The following CNBD1 variants were observed in gnomAD, a reference collection of about 807,000 sequenced individuals.
CNBD1 encodes the protein cyclic nucleotide binding domain containing 1.
In CNBD1, 71 loss-of-function variants were observed where a neutral mutation model predicts 54.4. The observed-to-expected ratio is 1.30, with a 90% CI of 1.08 to 1.59. The LOEUF is 1.59. CNBD1 is among the 40% of genes most tolerant of loss of function. The probability of loss-of-function intolerance (pLI) is 0.00; values close to 1 mark genes in which losing one functional copy is unlikely to be tolerated. For missense variants in CNBD1, 659 were observed against 518.0 expected (o/e 1.27, Z -2.64); for synonymous variants, 182 against 170.7 (o/e 1.07, Z -0.51).
intron 5 of CNBD1, among the ~76,000 whole-genome samples, chr8:87,206,732 G>A (rs985692558): frequency 1.3e-5 from 2 of 151,618 alleles, no homozygotes; most frequent in African/African-American, 2.4e-5. Context: ...TTTTAATTAC[G>A]GGGGCTAGGC....
intron 4 of CNBD1, among the ~76,000 whole-genome samples, chr8:87,169,605 T>C (rs565433834): frequency 6.6e-6 from 1 of 152,224 alleles, no homozygotes; most frequent in East Asian, 1.9e-4. Flanking sequence ...TTTAGGAGTC[T>C]AATTTCATTT....
At chr8:86,993,853 G>T (rs1265268955) in intron 4 of CNBD1, among the ~76,000 whole-genome samples, 1 of 152,208 alleles carries the variant, frequency 6.6e-6, no homozygotes, top group Non-Finnish European at 1.5e-5. Flanking sequence ...ATGCTCTTTG[G>T]TGGAGGAAGA....
intron 6 of CNBD1, among the ~76,000 whole-genome samples, chr8:87,250,739 G>A (rs546429768): frequency 4.6e-5 from 7 of 152,236 alleles, no homozygotes; most frequent in South Asian, 2.1e-4. Flanking sequence ...GAAATATTGC[G>A]TGTTAGCACT....
rs372322138 is a variant in CNBD1, at chr8:87,187,309, T to A, written c.432-18684T>A. On this transcript the variant is annotated intron_variant, in intron 4 of 10. Coordinates refer to ENST00000518476, the MANE Select transcript of CNBD1 (RefSeq NM_173538.3). ...ATCTATCCATCTGATCCATGTGATT[T>A]TTTTGTCTTTGCTATGCAGATATTT... Among the ~76,000 whole-genome samples, 21 of 152,176 alleles carry A rather than the reference T, an allele frequency of 1.4e-4. No homozygotes were observed. In the South Asian group the frequency reaches 3.9e-3, roughly 29 times the overall value.
At chr8:87,389,706 C>A (rs1246337374) in intron 2 of CNBD1, among the ~76,000 whole-genome samples, 1 of 152,148 alleles carries the variant, frequency 6.6e-6, no homozygotes, top group African/African-American at 2.4e-5. Context: ...AATGCCATCC[C>A]CATCAAGATA....
chr8:87,361,787 A>G (rs80016559), intron 10 of CNBD1, among the ~76,000 whole-genome samples: 5,252 of 150,494 alleles, frequency 0.035, 293 homozygotes, highest in African/African-American at 0.12. Context: ...TGGTTTATAA[A>G]GAAATAGATG....
chr8:87,289,483 C>T (rs1808749898), intron 8 of CNBD1, among the ~76,000 whole-genome samples: 1 of 152,006 alleles, frequency 6.6e-6, no homozygotes, highest in Non-Finnish European at 1.5e-5. Context: ...CAACCTGTTC[C>T]CATGTGTATC....
intron 8 of CNBD1, among the ~76,000 whole-genome samples, chr8:87,301,597 G>A (rs1808994203): frequency 6.6e-6 from 1 of 151,908 alleles, no homozygotes; most frequent in Non-Finnish European, 1.5e-5. Context: ...GTCAATAAAT[G>A]TGATACACCA....
chr8:87,208,833 A>G (rs529173348), intron 5 of CNBD1, among the ~76,000 whole-genome samples: 273 of 152,114 alleles, frequency 1.8e-3, no homozygotes, highest in African/African-American at 5.7e-3. Flanking sequence ...ATGAGATTGT[A>G]TCTCAAAAAC....
At position 87,029,264 on chromosome 8, in the gene CNBD1, GT is replaced by G. The variant is rs534003500; in HGVS notation, c.431+89511del. On this transcript the variant is annotated intron_variant, in intron 4 of 10. Coordinates refer to ENST00000518476, the MANE Select transcript of CNBD1 (RefSeq NM_173538.3). ...TCTTTCAGACCAATATACGTGAAAA[GT>G]GGAGCATAGTGCAGTATTATGTAGG... 8.5e-5 allele frequency among the ~76,000 whole-genome samples: 13 copies of G among 152,218 alleles called. No individual in the cohort carries two copies. The East Asian group carries it at 2.3e-3, about 27-fold the overall frequency.
chr8:87,077,181 C>T (rs554535105), intron 4 of CNBD1, among the ~76,000 whole-genome samples: 2 of 152,230 alleles, frequency 1.3e-5, no homozygotes, highest in African/African-American at 2.4e-5. Flanking sequence ...TGTTGGAACT[C>T]GCCTTAATCA....
intron 8 of CNBD1, among the ~76,000 whole-genome samples, chr8:87,316,925 G>A (rs77896672): frequency 0.035 from 5,292 of 151,658 alleles, 299 homozygotes; most frequent in African/African-American, 0.12. Context: ...ATTTTAGAAT[G>A]TGACTTAAGA....
chr8:86,920,843 T>C (rs150017089), intron 3 of CNBD1, among the ~76,000 whole-genome samples: 1,745 of 152,120 alleles, frequency 0.011, 11 homozygotes, highest in Non-Finnish European at 0.017. Context: ...GTAGCTTTGA[T>C]CTGGGTTAAA....
intron 10 of CNBD1, among the ~76,000 whole-genome samples, chr8:87,360,914 T>A (rs561570838): frequency 7.2e-4 from 110 of 151,992 alleles, no homozygotes; most frequent in Non-Finnish European, 1.3e-3. Context: ...ACTGCAGATA[T>A]ATCTGTTAAG....
At chr8:86,962,486 A>G (rs540494793) in intron 4 of CNBD1, among the ~76,000 whole-genome samples, 1 of 152,270 alleles carries the variant, frequency 6.6e-6, no homozygotes, top group Admixed American at 6.5e-5. Context: ...CAGTTTGCAC[A>G]GAGAAAGAGA....
chr8:87,103,093 A>T (rs1186280716), intron 4 of CNBD1, among the ~76,000 whole-genome samples: 1 of 152,194 alleles, frequency 6.6e-6, no homozygotes. Flanking sequence ...CTTAGAAATG[A>T]TTGGTAAATA....
intron 2 of CNBD1, among the ~76,000 whole-genome samples, chr8:87,426,351 T>C (rs1263082116): frequency 6.6e-6 from 1 of 152,184 alleles, no homozygotes; most frequent in Non-Finnish European, 1.5e-5. Flanking sequence ...CCCTGTTTGC[T>C]TGATTTTCTA....
At chr8:86,913,489 G>A (rs945713802) in intron 3 of CNBD1, among the ~76,000 whole-genome samples, 4 of 152,074 alleles carry the variant, frequency 2.6e-5, no homozygotes, top group Non-Finnish European at 5.9e-5. Context: ...AAGGGAAAAA[G>A]CACAAAAGAG....
intron 3 of CNBD1, among the ~76,000 whole-genome samples, chr8:86,925,542 ATGG>A (rs1360530470): frequency 1.4e-5 from 2 of 141,466 alleles, no homozygotes; most frequent in African/African-American, 5.5e-5. Flanking sequence ...TCTGTATGTG[ATGG>A]TGGGATTGGG....
Sources: gnomAD v4.1 joint callset for allele counts (sites outside exome capture counted in the v4.1 genomes callset) on GRCh38, gnomAD v4.1.1 for gene constraint, MANE v1.5 for transcripts, NCBI Gene and HGNC (gene_info 2026-07-23, HGNC 2026-07-21) for gene names.